The following FBXW7 variants were observed in gnomAD, a reference collection of about 807,000 sequenced individuals.
FBXW7 encodes the protein F-box and WD repeat domain containing 7.
FBXW7 carries 11 observed loss-of-function variants against 86.3 expected under a neutral mutation model. That is an observed-to-expected ratio of 0.13 (90% CI 0.08 to 0.21). FBXW7 has a LOEUF of 0.21. Ranked by LOEUF, FBXW7 falls within the 10% of genes least tolerant of loss-of-function variation. FBXW7 has a pLI of 1.00. For missense variants in FBXW7, 488 were observed against 847.4 expected, an observed-to-expected ratio of 0.58 and a Z score of 5.27; for synonymous variants, 313 against 297.9, an observed-to-expected ratio of 1.05 and a Z score of -0.52.
intron 4 of FBXW7, among the ~76,000 whole-genome samples, chr4:152,381,818 T>C: frequency 6.6e-6 from 1 of 152,168 alleles, no homozygotes; most frequent in East Asian, 1.9e-4. Flanking sequence ...AATGAAATGC[T>C]GTATTTCCCA....
At chr4:152,421,109 C>T (rs1263077010) in intron 2 of FBXW7, among the ~76,000 whole-genome samples, 2 of 152,140 alleles carry the variant, frequency 1.3e-5, no homozygotes, top group Non-Finnish European at 2.9e-5. Context: ...GCAGCAGCTT[C>T]TCCATCAGCA....
At chr4:152,379,570 G>C (rs1166153477) in intron 4 of FBXW7, among the ~76,000 whole-genome samples, 2 of 152,000 alleles carry the variant, frequency 1.3e-5, no homozygotes, top group Non-Finnish European at 1.5e-5. Context: ...CCAAGCTGGA[G>C]TGCAGTGGTG....
intron 4 of FBXW7, among the ~76,000 whole-genome samples, chr4:152,381,824 T>C (rs1035844272): frequency 6.6e-6 from 1 of 152,130 alleles, no homozygotes; most frequent in Non-Finnish European, 1.5e-5. Context: ...ATGCTGTATT[T>C]CCCATGTATA....
intron 2 of FBXW7, among the ~76,000 whole-genome samples, chr4:152,458,832 T>A (rs1430677927): frequency 6.6e-6 from 1 of 152,156 alleles, no homozygotes; most frequent in Admixed American, 6.5e-5. Context: ...GATCTTGCAA[T>A]GAAGAACAAA....
intron 2 of FBXW7, among the ~76,000 whole-genome samples, chr4:152,434,440 T>G (rs867327523): frequency 6.1e-4 from 93 of 152,196 alleles, no homozygotes; most frequent in African/African-American, 2.0e-3. Flanking sequence ...TTCTACTTCT[T>G]ATAATGTATA....
At chr4:152,441,073 C>T (rs1458726791) in intron 2 of FBXW7, among the ~76,000 whole-genome samples, 13 of 151,952 alleles carry the variant, frequency 8.6e-5, no homozygotes, top group African/African-American at 3.1e-4. Flanking sequence ...ACAGAAAATA[C>T]GTATCAAAAT....
At chr4:152,371,390 A>G (rs1215373434) in intron 4 of FBXW7, among the ~76,000 whole-genome samples, 1 of 151,974 alleles carries the variant, frequency 6.6e-6, no homozygotes, top group East Asian at 1.9e-4. Flanking sequence ...GTTGTTTCAC[A>G]AAAATATTTA....
chr4:152,444,200 A>G (rs1387367585), intron 2 of FBXW7, among the ~76,000 whole-genome samples: 1 of 152,202 alleles, frequency 6.6e-6, no homozygotes, highest in Non-Finnish European at 1.5e-5. Flanking sequence ...ATATGTACAT[A>G]TATGTATGAC....
At chr4:152,520,387 T>C (rs564341616) in intron 2 of FBXW7, among the ~76,000 whole-genome samples, 127 of 147,326 alleles carry the variant, frequency 8.6e-4, no homozygotes, top group Non-Finnish European at 1.5e-3. Flanking sequence ...GAGCCGAGAT[T>C]GCGCCACTGC....
chr4:152,435,876 TTATTG>T (rs748378220), intron 2 of FBXW7, among the ~76,000 whole-genome samples: 2 of 152,218 alleles, frequency 1.3e-5, no homozygotes, highest in Non-Finnish European at 2.9e-5. Context: ...TTTTTCATTA[TTATTG>T]TATCTATTAT....
intron 2 of FBXW7, among the ~76,000 whole-genome samples, chr4:152,477,144 A>G (rs1382761022): frequency 6.6e-6 from 1 of 152,072 alleles, no homozygotes; most frequent in East Asian, 1.9e-4. Flanking sequence ...CAGGAGTCTC[A>G]TATCTTTAAC....
At chr4:152,447,823 G>C (rs1741546076) in intron 2 of FBXW7, among the ~76,000 whole-genome samples, 1 of 152,116 alleles carries the variant, frequency 6.6e-6, no homozygotes, top group South Asian at 2.1e-4. Flanking sequence ...ATTACAGCTA[G>C]AGTCTGAAGC....
At chr4:152,521,914 G>A (rs1162920237) in intron 2 of FBXW7, among the ~76,000 whole-genome samples, 1 of 148,532 alleles carries the variant, frequency 6.7e-6, no homozygotes, top group Non-Finnish European at 1.5e-5. Context: ...CGTCTCCCTG[G>A]TTCAAGCGAT....
intron 2 of FBXW7, among the ~76,000 whole-genome samples, chr4:152,428,100 A>T (rs1739544133): frequency 6.6e-6 from 1 of 152,204 alleles, no homozygotes; most frequent in African/African-American, 2.4e-5. Context: ...TAATTATTCT[A>T]ATCTTGTAGG....
chr4:152,341,058 G>A (rs1173262901), intron 6 of FBXW7, among the ~76,000 whole-genome samples: 3 of 152,160 alleles, frequency 2.0e-5, no homozygotes, highest in East Asian at 3.9e-4. Flanking sequence ...ACCAGTATGC[G>A]TCACCTAGAT....
chr4:152,449,977 A>C (rs1296114478), intron 2 of FBXW7, among the ~76,000 whole-genome samples: 1 of 152,224 alleles, frequency 6.6e-6, no homozygotes, highest in Non-Finnish European at 1.5e-5. Flanking sequence ...AAACTAAATA[A>C]TAAACACCTT....
At chr4:152,474,156 T>C (rs992550999) in intron 2 of FBXW7, among the ~76,000 whole-genome samples, 7 of 152,190 alleles carry the variant, frequency 4.6e-5, no homozygotes, top group African/African-American at 1.7e-4. Flanking sequence ...CCAAACTTTA[T>C]AACTTCTAGT....
At chr4:152,377,518 G>C (rs544446724) in intron 4 of FBXW7, among the ~76,000 whole-genome samples, 1 of 151,512 alleles carries the variant, frequency 6.6e-6, no homozygotes, top group Admixed American at 6.6e-5. Flanking sequence ...CTGGGAGACC[G>C]AGGCAGGTGG....
At chr4:152,330,195 T>C (rs1037718315) in intron 9 of FBXW7, among the ~76,000 whole-genome samples, 2 of 151,944 alleles carry the variant, frequency 1.3e-5, no homozygotes, top group Non-Finnish European at 2.9e-5. Flanking sequence ...AAAAAAATCA[T>C]AATATATACA....
Sources: gnomAD v4.1 joint callset for allele counts (sites outside exome capture counted in the v4.1 genomes callset) on GRCh38, gnomAD v4.1.1 for gene constraint, MANE v1.5 for transcripts, NCBI Gene and HGNC (gene_info 2026-07-23, HGNC 2026-07-21) for gene names.